The following ATP9A variants were observed in gnomAD, a reference collection of about 807,000 sequenced individuals.
ATP9A encodes the protein ATPase phospholipid transporting 9A.
Under a neutral mutation model 144.1 loss-of-function variants are expected in ATP9A, and 52 were observed. That is an observed-to-expected ratio of 0.36 (90% CI 0.29 to 0.45). The LOEUF is 0.45. ATP9A is among the 20% of genes least tolerant of loss of function. The pLI, the probability that ATP9A is intolerant of heterozygous loss-of-function variation, is 1.00. For synonymous variants in ATP9A, 582 were observed against 557.4 expected, an observed-to-expected ratio of 1.04 and a Z score of -0.62; for missense variants, 947 against 1,392.7, an observed-to-expected ratio of 0.68 and a Z score of 5.09.
chr20:51,702,780 A>G (rs912994579), intron 4 of ATP9A, among the ~76,000 whole-genome samples: 7 of 152,178 alleles, frequency 4.6e-5, no homozygotes, highest in Non-Finnish European at 7.3e-5. Context: ...GTTGCAAAAA[A>G]GGGGAAGAAC....
At chr20:51,605,043 T>C in intron 26 of ATP9A, 23 bp from the exon 27 acceptor site, 1 of 1,573,556 alleles carries the variant, frequency 6.4e-7, no homozygotes, top group South Asian at 1.2e-5. Context: ...GAGAAGGGTA[T>C]TCCCCTCACC....
chr20:51,643,985 A>C (rs931754201), intron 14 of ATP9A, among the ~76,000 whole-genome samples: 51 of 151,890 alleles, frequency 3.4e-4, no homozygotes, highest in African/African-American at 1.2e-3. Context: ...AAATACAAAA[A>C]CTAGCCAGGC....
In ATP9A at chr20:51,713,097, G is replaced by A. The variant is rs372993456; in HGVS notation, c.328-23C>T. On this transcript the variant is annotated intron_variant, in intron 3 of 27. Transcript: ENST00000338821. ...GCCCTGCAGAGACAGACGACAGTGA[G>A]TCTTGCTACAGGCAGTGAGCCCTGC... 6.3e-4 allele frequency: 1,004 copies of A among 1,591,088 alleles called. 1 individual carries two copies. The highest frequency in any genetic ancestry group is 7.8e-4 in the Non-Finnish European group (908 of 1,168,604).
chr20:51,689,267 G>A, intron 8 of ATP9A, 128 bp from the exon 9 acceptor site: 2 of 844,260 alleles, frequency 2.4e-6, no homozygotes, highest in South Asian at 3.4e-5. Flanking sequence ...GCCCAGTTTG[G>A]AAGCCGACGG....
In ATP9A at chr20:51,733,676, T is replaced by TA. The variant is rs1201836620; in HGVS notation, c.69-3699_69-3698insT. On this transcript the variant is annotated intron_variant, in intron 1 of 27. Coordinates refer to ENST00000338821, the MANE Select transcript of ATP9A (RefSeq NM_006045.3). ...GCGTGAGCCACTGTACCTGGCCTTTTTTTTTTAATTTTTTTTTAAATTAAA... is the reference window on the plus strand; with the variant it reads ...GCGTGAGCCACTGTACCTGGCCTTTTATTTTTTAATTTTTTTTTAAATTAAA... Among the ~76,000 whole-genome samples the TA allele has an allele frequency of 1.5e-3, 229 of 151,032 alleles. 1 individual carries two copies. Among genetic ancestry groups the TA allele is most frequent in the Middle Eastern group, 3.4e-3 (1 of 292 alleles).
chr20:51,691,398 G>A (rs1391897884), intron 7 of ATP9A, among the ~76,000 whole-genome samples: 1 of 152,216 alleles, frequency 6.6e-6, no homozygotes, highest in Non-Finnish European at 1.5e-5. Context: ...GAACCCAGGA[G>A]GTGAAGGTTG....
chr20:51,763,865 C>G (rs1601152176), intron 1 of ATP9A, among the ~76,000 whole-genome samples: 6 of 152,094 alleles, frequency 3.9e-5, no homozygotes, highest in Admixed American at 3.9e-4. Context: ...CCCATCCTTG[C>G]CACAACATCA....
At chr20:51,644,174 C>A (rs1474717043) in intron 14 of ATP9A, among the ~76,000 whole-genome samples, 1 of 151,744 alleles carries the variant, frequency 6.6e-6, no homozygotes, top group Non-Finnish European at 1.5e-5. Context: ...AAAAAATTAT[C>A]CCATCTGTCT....
At chr20:51,724,203 T>C (rs2077702597) in intron 3 of ATP9A, among the ~76,000 whole-genome samples, 1 of 152,142 alleles carries the variant, frequency 6.6e-6, no homozygotes, top group South Asian at 2.1e-4. Context: ...AAAACGTTAA[T>C]GAGATTTATG....
intron 9 of ATP9A, among the ~76,000 whole-genome samples, chr20:51,684,637 A>C (rs1271652159): frequency 6.8e-6 from 1 of 146,862 alleles, no homozygotes; most frequent in African/African-American, 2.5e-5. Flanking sequence ...CGGAGCTTGC[A>C]GTGAGCCGAG....
At chr20:51,759,863 A>G (rs2077871713) in intron 1 of ATP9A, among the ~76,000 whole-genome samples, 1 of 151,966 alleles carries the variant, frequency 6.6e-6, no homozygotes, top group African/African-American at 2.4e-5. Flanking sequence ...AAATCCCTCA[A>G]ACTTGTAATC....
chr20:51,727,356 T>G (rs568405932), intron 2 of ATP9A, among the ~76,000 whole-genome samples: 1 of 145,218 alleles, frequency 6.9e-6, no homozygotes, highest in African/African-American at 2.6e-5. Context: ...GAGGGCGAGG[T>G]TGGCAAATGG....
At chr20:51,750,723 G>A (rs2077827760) in intron 1 of ATP9A, among the ~76,000 whole-genome samples, 1 of 152,192 alleles carries the variant, frequency 6.6e-6, no homozygotes, top group South Asian at 2.1e-4. Flanking sequence ...GAGCCAGGAT[G>A]TGAGTCCAGC....
intron 22 of ATP9A, among the ~76,000 whole-genome samples, chr20:51,614,610 C>T (rs925664935): frequency 4.6e-5 from 7 of 152,112 alleles, no homozygotes; most frequent in African/African-American, 1.7e-4. Context: ...CGAATTCTCT[C>T]ATTTTAAAAG....
chr20:51,601,104 T>G lies in ATP9A; in HGVS notation c.*107A>C. 7.3e-7 allele frequency: 1 copy of G among 1,365,112 alleles called. No individual in the cohort carries two copies. Among genetic ancestry groups the G allele is most frequent in the South Asian group, 1.5e-5 (1 of 65,556 alleles). 84.6% of individuals were successfully genotyped at this position (1,365,112 alleles called of 1,614,324 possible). ...CCACTTCCCATTAAAACTGCATGTG[T>G]TAGCAATTACTGCAAAATCCACAGG... On this transcript the variant is annotated 3_prime_UTR_variant, in exon 28 of 28. Transcript: ENST00000338821.
At chr20:51,703,889 C>T (rs2077604419) in intron 4 of ATP9A, among the ~76,000 whole-genome samples, 1 of 151,810 alleles carries the variant, frequency 6.6e-6, no homozygotes, top group South Asian at 2.1e-4. Flanking sequence ...AATCTCCATG[C>T]ACTAACCCTG....
At position 51,600,805 on chromosome 20, in the gene ATP9A, AAAACACACAC is replaced by A. The variant is rs1251621431; in HGVS notation, c.*396_*405del. 1.3e-3 allele frequency: 156 copies of A among 122,794 alleles called. No homozygotes were observed. The highest frequency in any genetic ancestry group is 2.1e-3 in the African/African-American group (58 of 28,290). 7.6% of individuals were successfully genotyped at this position (122,794 alleles called of 1,614,324 possible). On this transcript the variant is annotated 3_prime_UTR_variant, in exon 28 of 28. Coordinates refer to ENST00000338821, the MANE Select transcript of ATP9A (RefSeq NM_006045.3). ...AGTACATACACATTAGGACTCTTTA[AAAACACACAC>A]ACACACACACACACACACACACACA...
intron 4 of ATP9A, among the ~76,000 whole-genome samples, chr20:51,712,277 T>G (rs1398429637): frequency 6.6e-6 from 1 of 152,086 alleles, no homozygotes; most frequent in African/African-American, 2.4e-5. Context: ...GGTTTCACCA[T>G]GTTAGCCAGG....
At chr20:51,626,539 G>A (rs1186574135) in intron 17 of ATP9A, among the ~76,000 whole-genome samples, 13 of 151,514 alleles carry the variant, frequency 8.6e-5, no homozygotes, top group East Asian at 5.8e-4. Context: ...AACCAGATGC[G>A]GTGGCTCACA....
Sources: gnomAD v4.1 joint callset for allele counts (sites outside exome capture counted in the v4.1 genomes callset) on GRCh38, gnomAD v4.1.1 for gene constraint, MANE v1.5 for transcripts, NCBI Gene and HGNC (gene_info 2026-07-23, HGNC 2026-07-21) for gene names.